Variants in MAGI1 observed in about 807,000 individuals in gnomAD.
MAGI1 encodes the protein membrane associated guanylate kinase, WW and PDZ domain containing 1, also known as membrane-associated guanylate kinase, WW and PDZ domain-containing protein 1.
In MAGI1, 58 loss-of-function variants were observed where a neutral mutation model predicts 139.9. That is an observed-to-expected ratio of 0.41 (90% confidence interval 0.34 to 0.52). The LOEUF (loss-of-function observed/expected upper bound fraction) is 0.52, where lower values mean the gene tolerates loss of function less well. MAGI1 is among the 20% of genes least tolerant of loss of function. The pLI, the probability that MAGI1 is intolerant of heterozygous loss-of-function variation, is 0.12. For synonymous variants in MAGI1, 812 were observed against 737.9 expected (o/e 1.10, Z -1.63); for missense variants, 1,874 against 1,901.6 (o/e 0.99, Z 0.27).
At chr3:65,961,311 C>T (rs2064413340) in intron 1 of MAGI1, among the ~76,000 whole-genome samples, 2 of 152,292 alleles carry the variant, frequency 1.3e-5, no homozygotes, top group Non-Finnish European at 2.9e-5. Flanking sequence ...ACCCATAATG[C>T]ATTTCCCCTC....
chr3:65,775,841 C>A (rs1247874347), intron 1 of MAGI1, among the ~76,000 whole-genome samples: 1 of 151,588 alleles, frequency 6.6e-6, no homozygotes, highest in Non-Finnish European at 1.5e-5. Context: ...TATGCAATGG[C>A]TGAAGTGGGA....
At chr3:65,846,110 G>A (rs9845839) in intron 1 of MAGI1, among the ~76,000 whole-genome samples, 60,229 of 151,994 alleles carry the variant, frequency 0.4, 12,082 homozygotes, top group East Asian at 0.49. Flanking sequence ...GACTTTGTGC[G>A]TGGGTAGACA....
At chr3:65,728,428 G>T (rs1430993866) in intron 1 of MAGI1, among the ~76,000 whole-genome samples, 1 of 152,218 alleles carries the variant, frequency 6.6e-6, no homozygotes, top group Non-Finnish European at 1.5e-5. Flanking sequence ...GTTTTCAGCA[G>T]GAAAGTGCTA....
At chr3:65,832,725 G>C (rs2042594883) in intron 1 of MAGI1, among the ~76,000 whole-genome samples, 1 of 152,030 alleles carries the variant, frequency 6.6e-6, no homozygotes, top group Admixed American at 6.6e-5. Context: ...GCATACAAGA[G>C]ATATTTAATG....
At chr3:65,929,568 C>G (rs538964182) in intron 1 of MAGI1, among the ~76,000 whole-genome samples, 35 of 152,086 alleles carry the variant, frequency 2.3e-4, no homozygotes, top group African/African-American at 8.2e-4. Flanking sequence ...CTCCTGACCT[C>G]GTGATCCACC....
At chr3:65,601,288 T>A (rs180699152) in intron 2 of MAGI1, among the ~76,000 whole-genome samples, 16 of 152,250 alleles carry the variant, frequency 1.1e-4, no homozygotes, top group Admixed American at 9.2e-4. Context: ...AATAGAAATG[T>A]CCTTTGGATA....
chr3:65,508,228 C>G (rs1054429318), intron 2 of MAGI1, among the ~76,000 whole-genome samples: 2 of 151,982 alleles, frequency 1.3e-5, no homozygotes, highest in Non-Finnish European at 2.9e-5. Flanking sequence ...ACGGTGAAAC[C>G]CCGTCTCTAC....
chr3:65,443,773 C>T (rs1328559417), intron 7 of MAGI1, among the ~76,000 whole-genome samples: 1 of 152,106 alleles, frequency 6.6e-6, no homozygotes, highest in East Asian at 1.9e-4. Flanking sequence ...TCAAGGCAAA[C>T]TTATGTAACA....
chr3:65,997,176 G>C (rs1456195454), intron 1 of MAGI1, among the ~76,000 whole-genome samples: 1 of 152,116 alleles, frequency 6.6e-6, no homozygotes, highest in East Asian at 1.9e-4. Flanking sequence ...CTCAGTGGAA[G>C]TGGTCTGGCA....
intron 1 of MAGI1, among the ~76,000 whole-genome samples, chr3:65,814,420 C>T (rs1031904258): frequency 2.0e-5 from 3 of 152,148 alleles, no homozygotes; most frequent in Non-Finnish European, 4.4e-5. Flanking sequence ...TTATTCCTCA[C>T]CTCTCATTCA....
intron 1 of MAGI1, among the ~76,000 whole-genome samples, chr3:65,965,102 T>C (rs954856932): frequency 6.6e-6 from 1 of 152,206 alleles, no homozygotes; most frequent in Admixed American, 6.5e-5. Context: ...GAAACAGATG[T>C]AGAGTATAAA....
At chr3:65,455,770 G>T (rs1433521086) in intron 5 of MAGI1, among the ~76,000 whole-genome samples, 1 of 152,064 alleles carries the variant, frequency 6.6e-6, no homozygotes, top group Admixed American at 6.5e-5. Context: ...ATTTTAAAAA[G>T]AATGTTATGT....
At chr3:65,465,060 T>G (rs1167031850) in intron 5 of MAGI1, among the ~76,000 whole-genome samples, 2 of 149,780 alleles carry the variant, frequency 1.3e-5, no homozygotes, top group Non-Finnish European at 3.0e-5. Context: ...TTTTACCGCT[T>G]TGACTGAAGT....
chr3:65,624,681 T>C (rs529603228), intron 1 of MAGI1, among the ~76,000 whole-genome samples: 7 of 152,304 alleles, frequency 4.6e-5, no homozygotes, highest in Middle Eastern at 3.4e-3. Context: ...ATAAAATCTA[T>C]GGATCTATGG....
chr3:65,980,985 C>T (rs998587755), intron 1 of MAGI1, among the ~76,000 whole-genome samples: 9 of 151,732 alleles, frequency 5.9e-5, no homozygotes, highest in Non-Finnish European at 1.5e-5. Flanking sequence ...ATAGTAAAAC[C>T]CAGTCTCTAC....
chr3:66,038,329 C>CA lies in MAGI1; in HGVS notation c.-22dup, dbSNP rs774394987. The CA allele has an allele frequency of 2.6e-6, 4 of 1,521,860 alleles. No homozygotes were observed. Among genetic ancestry groups the CA allele is most frequent in the African/African-American group, 1.4e-5 (1 of 72,032 alleles). 94.3% of individuals were successfully genotyped at this position (1,521,860 alleles called of 1,614,324 possible). On this transcript the variant is annotated 5_prime_UTR_variant, in exon 1 of 23. Coordinates refer to ENST00000402939, the MANE Select transcript of MAGI1 (RefSeq NM_001033057.2). ...GACATGATGAGTTACACCCCTCCTC[C>CA]AAAAAAATAAAACGAGAGACAGGTG...
chr3:65,865,131 T>C (rs1212292223), intron 1 of MAGI1, among the ~76,000 whole-genome samples: 2 of 152,202 alleles, frequency 1.3e-5, no homozygotes, highest in Non-Finnish European at 2.9e-5. Context: ...AGAGGGTCTA[T>C]ATAACATACG....
At chr3:65,470,186 T>C in intron 5 of MAGI1, 97 bp downstream of exon 5, 1 of 765,516 alleles carries the variant, frequency 1.3e-6, no homozygotes. Context: ...GGGTGATCAA[T>C]CCCTTAAATG....
chr3:65,880,623 A>T (rs995631350), intron 1 of MAGI1, among the ~76,000 whole-genome samples: 1 of 152,190 alleles, frequency 6.6e-6, no homozygotes, highest in Admixed American at 6.5e-5. Context: ...TCATAAAAGT[A>T]GCATTCCACG....
Sources: allele counts gnomAD v4.1 joint callset (sites outside exome capture counted in the v4.1 genomes callset), GRCh38; gene constraint gnomAD v4.1.1; transcripts MANE v1.5; gene names NCBI Gene and HGNC (gene_info 2026-07-23, HGNC 2026-07-21).